Variants in LRBA observed in about 807,000 individuals in gnomAD.
LRBA encodes the protein lipopolysaccharide-responsive and beige-like anchor protein.
In LRBA, 176 loss-of-function variants were observed where a neutral mutation model predicts 330.0. That is an observed-to-expected ratio of 0.53 (90% CI 0.47 to 0.60). The LOEUF is 0.60. Ranked by LOEUF, LRBA falls within the 20% of genes least tolerant of loss-of-function variation. The pLI is 0.00. For missense variants in LRBA, 3,259 were observed against 3,444.8 expected (o/e 0.95, Z 1.35); for synonymous variants, 1,230 against 1,193.0 (o/e 1.03, Z -0.64).
At chr4:150,849,106 A>G (rs1750266568) in intron 25 of LRBA, 108 bp from the exon 26 acceptor site, 2 of 705,216 alleles carry the variant, frequency 2.8e-6, no homozygotes, top group Non-Finnish European at 4.6e-6. Context: ...ACTTTCAGAA[A>G]CCTAGTAACA....
Position 150,916,719 on chromosome 4 carries a change from A to G in LRBA, c.665T>C (p.Ile222Thr). The G allele has an allele frequency of 1.9e-6, 3 of 1,572,288 alleles. No homozygotes were observed. Among genetic ancestry groups the G allele is most frequent in the Non-Finnish European group, 2.6e-6 (3 of 1,165,436 alleles). Reference sequence around the variant, plus strand: ...ACCATTCTGGTATGGCCATTTGGCTATAGGAGGTAATGCAATAGCCTAAAG... The same window carrying G: ...ACCATTCTGGTATGGCCATTTGGCTGTAGGAGGTAATGCAATAGCCTAAAG... ...KSAAAIALPP[I>T]AKWPYQNGFT... Residue 222 changes from isoleucine to threonine, a missense_variant, in exon 6 of 57, where the codon ATA (isoleucine) becomes ACA (threonine). Coordinates refer to ENST00000651943, the MANE Select transcript of LRBA (RefSeq NM_001364905.1).
At chr4:150,799,187 A>C (rs1005584674) in intron 33 of LRBA, among the ~76,000 whole-genome samples, 8 of 152,252 alleles carry the variant, frequency 5.3e-5, no homozygotes, top group African/African-American at 1.9e-4. Context: ...TTTTTAAAAA[A>C]TGTTAGAACC....
rs183969832 is a variant in LRBA, at chr4:150,538,919, G to T, written c.6331-47884C>A. 5.0e-3 allele frequency among the ~76,000 whole-genome samples: 761 copies of T among 151,878 alleles called. 1 individual carries two copies. Among genetic ancestry groups the T allele is most frequent in the Non-Finnish European group, 7.9e-3 (538 of 67,946 alleles). ...CCTCAGTGTTATTCAATATTCCCAT[G>T]TAACAAACCTGCACATGTAGCCTCT... On this transcript the variant is annotated intron_variant, in intron 40 of 56. Coordinates refer to ENST00000651943, the MANE Select transcript of LRBA (RefSeq NM_001364905.1).
intron 33 of LRBA, among the ~76,000 whole-genome samples, chr4:150,801,879 A>G (rs1032575556): frequency 2.6e-4 from 39 of 150,822 alleles, no homozygotes; most frequent in African/African-American, 9.7e-4. Flanking sequence ...CTTTCTTAAA[A>G]CACAGTGCAG....
chr4:150,425,936 C>T (rs1252964319), intron 46 of LRBA, among the ~76,000 whole-genome samples: 1 of 151,866 alleles, frequency 6.6e-6, no homozygotes, highest in African/African-American at 2.4e-5. Flanking sequence ...AAAATTTTAG[C>T]TTTTCACCAC....
intron 36 of LRBA, among the ~76,000 whole-genome samples, chr4:150,734,349 T>C (rs1393768978): frequency 6.6e-6 from 1 of 152,140 alleles, no homozygotes; most frequent in Non-Finnish European, 1.5e-5. Flanking sequence ...TGATGAATTA[T>C]GTTATTTAAA....
intron 2 of LRBA, among the ~76,000 whole-genome samples, chr4:151,006,263 C>G (rs1007613795): frequency 6.6e-6 from 1 of 152,076 alleles, no homozygotes. Context: ...GAGGCGGAGG[C>G]TGCCGTGAGC....
rs142092931 is a variant in LRBA, at chr4:150,282,917, A to G, written c.8120-271T>C. The stretch of plus-strand genomic sequence containing the variant: ...GACAGGAAGTTACTCTATGAAATTC[A>G]TTATGCTAACAGGCAATACAAACTG... On this transcript the variant is annotated intron_variant, in intron 54 of 56. Transcript: ENST00000651943. 4.2e-4 allele frequency among the ~76,000 whole-genome samples: 64 copies of G among 152,336 alleles called. 1 individual carries two copies. The East Asian group carries it at 0.012, about 29-fold the overall frequency.
rs749751873 is a variant in LRBA, at chr4:150,829,765, C to T, written c.4730-1144G>A. Among the ~76,000 whole-genome samples the T allele has an allele frequency of 8.3e-4, 126 of 152,104 alleles. 2 individuals are homozygous for T. Among genetic ancestry groups the T allele is most frequent in the Non-Finnish European group, 1.6e-3 (111 of 68,010 alleles). Reference sequence around the variant, plus strand: ...CAAGTTTTAAATACCACTATATTTCCCCACCAAAAAACTCAAACTATTAAA... The same window carrying T: ...CAAGTTTTAAATACCACTATATTTCTCCACCAAAAAACTCAAACTATTAAA... On this transcript the variant is annotated intron_variant, in intron 29 of 56. Coordinates refer to ENST00000651943, the MANE Select transcript of LRBA (RefSeq NM_001364905.1).
Position 150,845,176 on chromosome 4 carries a change from A to C in LRBA, c.4340-397T>G, listed in dbSNP as rs531182821. On this transcript the variant is annotated intron_variant, in intron 26 of 56. Transcript: ENST00000651943. Reference sequence around the variant, plus strand: ...TGGAAGAAAACAGGGAACAAAGTACATTACCATGAACTAGTCGAGGTAACA... The same window carrying C: ...TGGAAGAAAACAGGGAACAAAGTACCTTACCATGAACTAGTCGAGGTAACA... Among the ~76,000 whole-genome samples, 5 of 152,348 alleles carry C rather than the reference A, an allele frequency of 3.3e-5. No individual in the cohort carries two copies. The East Asian group carries it at 9.6e-4, about 29-fold the overall frequency.
At chr4:150,540,879 T>C (rs891878993) in intron 40 of LRBA, among the ~76,000 whole-genome samples, 7 of 152,176 alleles carry the variant, frequency 4.6e-5, no homozygotes, top group African/African-American at 1.2e-4. Flanking sequence ...TTTAACCATA[T>C]AGATGCACCA....
intron 47 of LRBA, among the ~76,000 whole-genome samples, chr4:150,354,934 G>A (rs946145888): frequency 1.3e-5 from 2 of 150,234 alleles, no homozygotes; most frequent in African/African-American, 2.5e-5. Context: ...ATTACAATAT[G>A]TGTGTGTGTG....
At chr4:150,805,244 A>G (rs1269909067) in intron 33 of LRBA, among the ~76,000 whole-genome samples, 2 of 147,524 alleles carry the variant, frequency 1.4e-5, no homozygotes, top group Admixed American at 6.9e-5. Context: ...GAAAAGGAGA[A>G]GGAAAGGAGA....
chr4:150,381,777 T>C (rs1742303367), intron 47 of LRBA, among the ~76,000 whole-genome samples: 1 of 106,616 alleles, frequency 9.4e-6, no homozygotes, highest in African/African-American at 2.7e-5. Flanking sequence ...CCATTTTACA[T>C]TCCCAAGAGT....
At chr4:150,647,270 C>G (rs1426306687) in intron 37 of LRBA, among the ~76,000 whole-genome samples, 1 of 148,160 alleles carries the variant, frequency 6.7e-6, no homozygotes, top group Non-Finnish European at 1.5e-5. Flanking sequence ...AAAAAATAAG[C>G]TAAAGTAGGA....
chr4:150,390,885 G>A (rs937052780), intron 47 of LRBA, among the ~76,000 whole-genome samples: 6 of 152,162 alleles, frequency 3.9e-5, no homozygotes, highest in Non-Finnish European at 7.3e-5. Flanking sequence ...CTGATGTATT[G>A]TATAATATCA....
intron 37 of LRBA, among the ~76,000 whole-genome samples, chr4:150,637,362 A>G (rs1011319546): frequency 6.6e-6 from 1 of 152,150 alleles, no homozygotes; most frequent in Non-Finnish European, 1.5e-5. Flanking sequence ...TAGGTAGTGT[A>G]TATACTGAAT....
chr4:150,423,975 G>A (rs917770450), intron 46 of LRBA, among the ~76,000 whole-genome samples: 3 of 152,198 alleles, frequency 2.0e-5, no homozygotes, highest in Admixed American at 2.0e-4. Flanking sequence ...GGTGGCCAGA[G>A]AAAGCTTTAG....
At chr4:150,716,692 A>T (rs1728244745) in intron 36 of LRBA, among the ~76,000 whole-genome samples, 1 of 152,184 alleles carries the variant, frequency 6.6e-6, no homozygotes, top group South Asian at 2.1e-4. Flanking sequence ...ATTTCTCATG[A>T]TTAGCTCTAA....
Sources: gnomAD v4.1 joint callset for allele counts (sites outside exome capture counted in the v4.1 genomes callset) on GRCh38, gnomAD v4.1.1 for gene constraint, MANE v1.5 for transcripts, NCBI Gene and HGNC (gene_info 2026-07-23, HGNC 2026-07-21) for gene names.